Variants in SLCO4C1 observed in about 807,000 individuals in gnomAD.
SLCO4C1 encodes the protein solute carrier organic anion transporter family member 4C1.
In SLCO4C1, 58 loss-of-function variants were observed where a neutral mutation model predicts 72.1. The ratio of observed to expected loss-of-function variants is 0.80; its 90% CI spans 0.65 to 1.00. The LOEUF (loss-of-function observed/expected upper bound fraction) is 1.00, where lower values mean the gene tolerates loss of function less well. Among genes scored for constraint, SLCO4C1 ranks in the 50% least tolerant of loss-of-function variants. The probability of loss-of-function intolerance (pLI) is 0.00; values close to 1 mark genes in which losing one functional copy is unlikely to be tolerated. For missense variants in SLCO4C1, 898 were observed against 857.9 expected (o/e 1.05, Z -0.58); for synonymous variants, 297 against 312.5 (o/e 0.95, Z 0.52).
chr5:102,296,271 G>T lies in SLCO4C1; in HGVS notation c.-9C>A. 6.6e-7 allele frequency: 1 copy of T among 1,514,582 alleles called. No individual in the cohort carries two copies. The highest frequency in any genetic ancestry group is 8.8e-7 in the Non-Finnish European group (1 of 1,131,278). 93.8% of individuals were successfully genotyped at this position (1,514,582 alleles called of 1,614,324 possible). On this transcript the variant is annotated 5_prime_UTR_variant, in exon 1 of 13. Transcript: ENST00000310954. ...CCTTTGGCGCTCTTCATGTCTGGATGGGTTCTCCCGACTCCGGTGCTTCAG... is the reference window on the plus strand; with the variant it reads ...CCTTTGGCGCTCTTCATGTCTGGATTGGTTCTCCCGACTCCGGTGCTTCAG...
intron 2 of SLCO4C1, among the ~76,000 whole-genome samples, chr5:102,271,996 C>A (rs899851398): frequency 3.9e-5 from 6 of 152,024 alleles, no homozygotes; most frequent in Admixed American, 1.3e-4. Context: ...TCGCAATAAG[C>A]CAATTAGATC....
At chr5:102,247,846 C>T (rs1481732105) in intron 9 of SLCO4C1, among the ~76,000 whole-genome samples, 2 of 151,776 alleles carry the variant, frequency 1.3e-5, no homozygotes, top group Non-Finnish European at 2.9e-5. Flanking sequence ...GACATTAAGG[C>T]CTCAACGAAT....
chr5:102,249,252 C>A (rs192849962), intron 9 of SLCO4C1, among the ~76,000 whole-genome samples: 1 of 151,994 alleles, frequency 6.6e-6, no homozygotes, highest in South Asian at 2.1e-4. Flanking sequence ...CCCATATATA[C>A]TGAGGTGCTG....
In SLCO4C1 at chr5:102,296,264, T is replaced by A. The variant is rs936876546; in HGVS notation, c.-2A>T. ...CTCAATACCTTTGGCGCTCTTCATGTCTGGATGGGTTCTCCCGACTCCGGT... is the reference window on the plus strand; with the variant it reads ...CTCAATACCTTTGGCGCTCTTCATGACTGGATGGGTTCTCCCGACTCCGGT... On this transcript the variant is annotated 5_prime_UTR_variant, in exon 1 of 13. Coordinates refer to ENST00000310954, the MANE Select transcript of SLCO4C1 (RefSeq NM_180991.5). 3.3e-6 allele frequency: 5 copies of A among 1,522,998 alleles called. No homozygotes were observed. The highest frequency in any genetic ancestry group is 3.5e-6 in the Non-Finnish European group (4 of 1,136,346). 94.3% of individuals were successfully genotyped at this position (1,522,998 alleles called of 1,614,324 possible). A position where few individuals can be genotyped will look rare whatever the true frequency, so the allele number is the denominator to read the frequency against.
Position 102,234,749 on chromosome 5 carries a change from G to C in SLCO4C1, c.*2109C>G, listed in dbSNP as rs180877323. 6.6e-6 allele frequency: 1 copy of C among 152,064 alleles called. No homozygotes were observed. The highest frequency in any genetic ancestry group is 2.4e-5 in the African/African-American group (1 of 41,392). 9.4% of individuals were successfully genotyped at this position (152,064 alleles called of 1,614,324 possible). On this transcript the variant is annotated 3_prime_UTR_variant, in exon 13 of 13. Coordinates refer to ENST00000310954, the MANE Select transcript of SLCO4C1 (RefSeq NM_180991.5). The stretch of plus-strand genomic sequence containing the variant: ...TTGCCTTTATGTTACAACTATGAAA[G>C]TCTTCAATCCAATTCCCTGCTTCCA...
At chr5:102,276,126 T>C (rs1749242516) in intron 2 of SLCO4C1, among the ~76,000 whole-genome samples, 1 of 152,184 alleles carries the variant, frequency 6.6e-6, no homozygotes, top group Non-Finnish European at 1.5e-5. Context: ...AAGTGCCAGA[T>C]TGACACAGTC....
Position 102,285,265 on chromosome 5 carries a change from A to G in SLCO4C1, c.619+6078T>C, listed in dbSNP as rs192074779. 2.0e-5 allele frequency among the ~76,000 whole-genome samples: 3 copies of G among 151,898 alleles called. No homozygotes were observed. In the East Asian group the frequency reaches 5.8e-4, roughly 29 times the overall value. ...AATATATACACACATATATACACAC[A>G]CACACACATATATATTTTTTTTTGT... On this transcript the variant is annotated intron_variant, in intron 2 of 12. Transcript: ENST00000310954.
chr5:102,253,542 C>T (rs981317672), intron 8 of SLCO4C1, among the ~76,000 whole-genome samples: 14 of 152,028 alleles, frequency 9.2e-5, no homozygotes, highest in Non-Finnish European at 1.8e-4. Flanking sequence ...CACAGTGGCT[C>T]GCACCTGTAA....
rs777567553 is a variant in SLCO4C1 at position 102,258,105 on chromosome 5, G to A, written c.1129-18C>T. 5 of 1,527,138 alleles carry A rather than the reference G, an allele frequency of 3.3e-6. No homozygotes were observed. In the South Asian group the frequency reaches 6.6e-5, roughly 20 times the overall value. 94.6% of individuals were successfully genotyped at this position (1,527,138 alleles called of 1,614,324 possible). A position where few individuals can be genotyped will look rare whatever the true frequency, so the allele number is the denominator to read the frequency against. ...ATCAAATTCTAAAGAAAAAAATACA[G>A]TTCCTCAAATGAATAGCTATGATTG... On this transcript the variant is annotated intron_variant, in intron 6 of 12. Coordinates refer to ENST00000310954, the MANE Select transcript of SLCO4C1 (RefSeq NM_180991.5).
chr5:102,293,694 A>C (rs1370536070), intron 1 of SLCO4C1, among the ~76,000 whole-genome samples: 1 of 152,218 alleles, frequency 6.6e-6, no homozygotes. Flanking sequence ...ATTCAAACTT[A>C]AACTGAAACG....
rs552729676 is a variant in SLCO4C1, at chr5:102,248,328, A to T, written c.1621-886T>A. ...GATCAATTGATTATTTCATGGACTG[A>T]TTGGACATAAAAAAGTCAGGACAAA... On this transcript the variant is annotated intron_variant, in intron 9 of 12. Coordinates refer to ENST00000310954, the MANE Select transcript of SLCO4C1 (RefSeq NM_180991.5). Among the ~76,000 whole-genome samples, 6 of 152,294 alleles carry T rather than the reference A, an allele frequency of 3.9e-5. No homozygotes were observed. In the East Asian group the frequency reaches 9.6e-4, roughly 24 times the overall value.
chr5:102,257,090 T>G (rs1748849128), intron 8 of SLCO4C1, 25 bp downstream of exon 8: 5 of 1,457,536 alleles, frequency 3.4e-6, no homozygotes, highest in Middle Eastern at 1.8e-4. Context: ...GGTATTAATA[T>G]CAAAAAGCAC....
intron 1 of SLCO4C1, among the ~76,000 whole-genome samples, chr5:102,292,751 T>G (rs186981576): frequency 8.3e-4 from 127 of 152,268 alleles, no homozygotes; most frequent in Middle Eastern, 7.1e-3. Flanking sequence ...CAGATATAGA[T>G]TAAACTTACA....
At position 102,257,306 on chromosome 5, in the gene SLCO4C1, A is replaced by G; in HGVS notation, c.1278T>C (p.Ala426=). ...CGAGAGCAGCTCCAGGAATTAAAACAGCCCCTAATAAGAAAAAAGAATGTA... is the reference window on the plus strand; with the variant it reads ...CGAGAGCAGCTCCAGGAATTAAAACGGCCCCTAATAAGAAAAAAGAATGTA... ...TSSFAATLGG[A]VLIPGAALGQ... The change falls in exon 8 of 13, where the codon GCT becomes GCC. Residue 426 remains alanine, a synonymous_variant. Transcript: ENST00000310954. 6.3e-7 allele frequency: 1 copy of G among 1,585,456 alleles called. No individual in the cohort carries two copies. The highest frequency in any genetic ancestry group is 8.5e-7 in the Non-Finnish European group (1 of 1,170,186).
At chr5:102,247,890 T>C (rs1006029051) in intron 9 of SLCO4C1, among the ~76,000 whole-genome samples, 4 of 150,580 alleles carry the variant, frequency 2.7e-5, no homozygotes, top group African/African-American at 9.8e-5. Context: ...AGAGAAGCAG[T>C]GCTTTCATTG....
intron 2 of SLCO4C1, among the ~76,000 whole-genome samples, chr5:102,278,011 C>T (rs910469479): frequency 1.3e-5 from 2 of 151,914 alleles, no homozygotes; most frequent in African/African-American, 4.8e-5. Context: ...TAAACTTTAA[C>T]ATACTAGTAT....
At chr5:102,244,676 C>T (rs1409081888) in intron 10 of SLCO4C1, among the ~76,000 whole-genome samples, 1 of 152,054 alleles carries the variant, frequency 6.6e-6, no homozygotes, top group Non-Finnish European at 1.5e-5. Flanking sequence ...ACAGTGGAGC[C>T]TCAATACATC....
intron 1 of SLCO4C1, among the ~76,000 whole-genome samples, chr5:102,295,133 T>A (rs1382491759): frequency 1.3e-5 from 2 of 152,314 alleles, no homozygotes; most frequent in East Asian, 1.9e-4. Context: ...TAACCTTCCC[T>A]GTGCCTTCTT....
In SLCO4C1 at chr5:102,234,094, A is replaced by G. The variant is rs1470660304; in HGVS notation, c.*2764T>C. On this transcript the variant is annotated 3_prime_UTR_variant, in exon 13 of 13. Coordinates refer to ENST00000310954, the MANE Select transcript of SLCO4C1 (RefSeq NM_180991.5). ...GGATCTAAAACTTTGTTTCCCTCCAATTTACATAGTAAAGTCAACTGCATA... is the reference window on the plus strand; with the variant it reads ...GGATCTAAAACTTTGTTTCCCTCCAGTTTACATAGTAAAGTCAACTGCATA... The G allele has an allele frequency of 6.6e-6, 1 of 152,294 alleles. No individual in the cohort carries two copies. The highest frequency in any genetic ancestry group is 1.5e-5 in the Non-Finnish European group (1 of 67,992). The allele number at this position is 152,294 out of a possible 1,614,324, so 9.4% of individuals were successfully genotyped here.
Sources: gnomAD v4.1 joint callset for allele counts (sites outside exome capture counted in the v4.1 genomes callset) on GRCh38, gnomAD v4.1.1 for gene constraint, MANE v1.5 for transcripts, NCBI Gene and HGNC (gene_info 2026-07-23, HGNC 2026-07-21) for gene names.